SLC26A7: variants seen among roughly 807,000 people sequenced by gnomAD.
SLC26A7 encodes anion exchange transporter.
In SLC26A7, 59 loss-of-function variants were observed where a neutral mutation model predicts 82.5. The ratio of observed to expected loss-of-function variants is 0.72; its 90% confidence interval spans 0.58 to 0.89. SLC26A7 has a LOEUF of 0.89. Ranked by LOEUF, SLC26A7 falls within the 40% of genes least tolerant of loss-of-function variation. The pLI is 0.00. For synonymous variants in SLC26A7, 271 were observed against 274.3 expected (o/e 0.99, Z 0.12); for missense variants, 820 against 793.0 (o/e 1.03, Z -0.41).
intron 11 of SLC26A7, among the ~76,000 whole-genome samples, chr8:91,358,932 G>A (rs1265554365): frequency 6.6e-6 from 1 of 152,134 alleles, no homozygotes; most frequent in Non-Finnish European, 1.5e-5. Context: ...GCCGGTTGTG[G>A]GTTGGGGGGA....
At chr8:91,225,675 T>A (rs1586304397) in intron 2 of SLC26A7, among the ~76,000 whole-genome samples, 6 of 64,366 alleles carry the variant, frequency 9.3e-5, no homozygotes, top group South Asian at 7.0e-4. Flanking sequence ...TTTTTTTTTT[T>A]ACCATTTTAA....
At chr8:91,357,987 C>T (rs1448679762) in intron 11 of SLC26A7, among the ~76,000 whole-genome samples, 7 of 152,204 alleles carry the variant, frequency 4.6e-5, no homozygotes, top group African/African-American at 1.7e-4. Flanking sequence ...GACATTTATG[C>T]AGCCAACAGA....
chr8:91,386,808 T>C (rs1406834831), intron 15 of SLC26A7, among the ~76,000 whole-genome samples: 1 of 152,210 alleles, frequency 6.6e-6, no homozygotes, highest in African/African-American at 2.4e-5. Flanking sequence ...TATACACAAC[T>C]GACTTTCAAG....
chr8:91,248,055 T>C (rs1260313148), upstream of SLC26A7, among the ~76,000 whole-genome samples: 1 of 152,146 alleles, frequency 6.6e-6, no homozygotes, highest in Admixed American at 6.6e-5. Context: ...AATTATTTGG[T>C]GAGTTCATCT....
At chr8:91,320,209 C>T (rs1024465196) in intron 5 of SLC26A7, among the ~76,000 whole-genome samples, 5 of 152,056 alleles carry the variant, frequency 3.3e-5, no homozygotes, top group East Asian at 3.9e-4. Flanking sequence ...ACTACCAGTG[C>T]GTGCCACTGT....
intron 5 of SLC26A7, among the ~76,000 whole-genome samples, chr8:91,319,376 T>G (rs975415727): frequency 1.3e-5 from 2 of 152,220 alleles, no homozygotes; most frequent in African/African-American, 4.8e-5. Context: ...GTTATGGCTA[T>G]TTTTTAAGTG....
intron 1 of SLC26A7, among the ~76,000 whole-genome samples, chr8:91,218,707 A>G (rs762383450): frequency 1.8e-4 from 28 of 152,164 alleles, no homozygotes; most frequent in Non-Finnish European, 3.2e-4. Context: ...GCATTTGAGT[A>G]TGATTTTCTT....
upstream of SLC26A7, among the ~76,000 whole-genome samples, chr8:91,246,691 ACT>A (rs1810549112): frequency 6.7e-6 from 1 of 148,686 alleles, no homozygotes; most frequent in Admixed American, 6.7e-5. Flanking sequence ...TAAGAGCGAG[ACT>A]CTGTCTTAAA....
At chr8:91,302,726 CT>C (rs1812201657) in intron 4 of SLC26A7, among the ~76,000 whole-genome samples, 1 of 151,988 alleles carries the variant, frequency 6.6e-6, no homozygotes, top group Non-Finnish European at 1.5e-5. Flanking sequence ...GTTAGCTCCC[CT>C]CCTCACACAC....
At chr8:91,280,342 T>C (rs1345704295) in intron 2 of SLC26A7, among the ~76,000 whole-genome samples, 1 of 152,238 alleles carries the variant, frequency 6.6e-6, no homozygotes, top group Non-Finnish European at 1.5e-5. Flanking sequence ...ATCTGTCTCT[T>C]GGCTCAAGTT....
intron 2 of SLC26A7, among the ~76,000 whole-genome samples, chr8:91,266,601 A>G (rs1206708936): frequency 6.6e-6 from 1 of 151,762 alleles, no homozygotes; most frequent in East Asian, 1.9e-4. Context: ...GTATCCTGAA[A>G]CTTCCCTGAA....
chr8:91,225,643 GTTTTTTT>G (rs55732709), intron 2 of SLC26A7, among the ~76,000 whole-genome samples: 1,129 of 36,104 alleles, frequency 0.031, 9 homozygotes, highest in African/African-American at 0.13. Context: ...CTAGAAAAGT[GTTTTTTT>G]TTTTTTTTTT....
At chr8:91,361,264 C>A (rs910472760) in intron 11 of SLC26A7, among the ~76,000 whole-genome samples, 1 of 151,998 alleles carries the variant, frequency 6.6e-6, no homozygotes, top group African/African-American at 2.4e-5. Context: ...ACAACAATAA[C>A]AACAAAAAGA....
intron 15 of SLC26A7, among the ~76,000 whole-genome samples, chr8:91,378,806 G>A (rs1160846596): frequency 2.0e-5 from 3 of 151,552 alleles, no homozygotes; most frequent in African/African-American, 7.3e-5. Flanking sequence ...TTTAACAGAA[G>A]GAAATTTACA....
At chr8:91,322,692 T>G (rs914750075) in intron 5 of SLC26A7, among the ~76,000 whole-genome samples, 4 of 152,212 alleles carry the variant, frequency 2.6e-5, no homozygotes, top group African/African-American at 9.6e-5. Flanking sequence ...TTGGCAAGGA[T>G]ACTTTCATTG....
At chr8:91,320,362 G>A (rs1812758117) in intron 5 of SLC26A7, among the ~76,000 whole-genome samples, 1 of 152,184 alleles carries the variant, frequency 6.6e-6, no homozygotes, top group African/African-American at 2.4e-5. Flanking sequence ...ACATTACTCA[G>A]TTGATGGAAA....
chr8:91,343,908 C>A, intron 9 of SLC26A7: 1 of 460,304 alleles, frequency 2.2e-6, no homozygotes, highest in Non-Finnish European at 2.9e-6. Context: ...AAGATATCTG[C>A]ACATATTTTA....
At chr8:91,361,115 T>C (rs988208685) in intron 11 of SLC26A7, among the ~76,000 whole-genome samples, 5 of 152,168 alleles carry the variant, frequency 3.3e-5, no homozygotes, top group African/African-American at 1.2e-4. Context: ...AATGTGTGTT[T>C]GTCCTACATC....
At chr8:91,365,621 A>G (rs911975686) in intron 13 of SLC26A7, among the ~76,000 whole-genome samples, 7 of 152,208 alleles carry the variant, frequency 4.6e-5, no homozygotes, top group African/African-American at 1.4e-4. Context: ...GCAAAGTTCA[A>G]TCAGTTTTGT....
Sources: gnomAD v4.1 joint callset for allele counts (sites outside exome capture counted in the v4.1 genomes callset) on GRCh38, gnomAD v4.1.1 for gene constraint, MANE v1.5 for transcripts, NCBI Gene and HGNC (gene_info 2026-07-23, HGNC 2026-07-21) for gene names.